The following UNC13C variants were observed in gnomAD, a reference collection of about 807,000 sequenced individuals.
UNC13C encodes protein unc-13 homolog C.
In UNC13C, 174 loss-of-function variants were observed where a neutral mutation model predicts 245.4. The observed-to-expected ratio is 0.71, with a 90% CI of 0.63 to 0.80. The LOEUF is 0.80. UNC13C is among the 30% of genes least tolerant of loss of function. The probability of loss-of-function intolerance (pLI) is 0.00; values close to 1 mark genes in which losing one functional copy is unlikely to be tolerated. For synonymous variants in UNC13C, 992 were observed against 895.1 expected, an observed-to-expected ratio of 1.11 and a Z score of -1.93; for missense variants, 2,829 against 2,602.9, an observed-to-expected ratio of 1.09 and a Z score of -1.89.
intron 24 of UNC13C, among the ~76,000 whole-genome samples, chr15:54,516,966 G>A (rs984899985): frequency 6.6e-6 from 1 of 152,068 alleles, no homozygotes; most frequent in Non-Finnish European, 1.5e-5. Context: ...GTGCAGGCAA[G>A]TATTTGTATT....
chr15:54,329,203 A>T (rs2038376954), intron 14 of UNC13C, among the ~76,000 whole-genome samples: 1 of 151,606 alleles, frequency 6.6e-6, no homozygotes, highest in Middle Eastern at 3.4e-3. Flanking sequence ...ATTTTGATAC[A>T]TGCATACAAT....
intron 4 of UNC13C, among the ~76,000 whole-genome samples, chr15:54,233,363 T>C (rs992312263): frequency 6.6e-6 from 1 of 152,148 alleles, no homozygotes; most frequent in Non-Finnish European, 1.5e-5. Flanking sequence ...TATTTCTTTA[T>C]GATCAAAATT....
chr15:54,313,351 G>A (rs1030590786), intron 13 of UNC13C, among the ~76,000 whole-genome samples: 1 of 151,480 alleles, frequency 6.6e-6, no homozygotes. Flanking sequence ...TTTATATTTG[G>A]GTTCATATTA....
At chr15:54,234,993 T>C in intron 4 of UNC13C, 37 bp from the exon 5 acceptor site, 3 of 1,577,262 alleles carry the variant, frequency 1.9e-6, no homozygotes, top group South Asian at 1.1e-5. Flanking sequence ...GAAGTCATTT[T>C]ACCCATTGCA....
At chr15:54,041,192 T>G (rs963527711) in intron 2 of UNC13C, among the ~76,000 whole-genome samples, 3 of 152,234 alleles carry the variant, frequency 2.0e-5, no homozygotes, top group Non-Finnish European at 2.9e-5. Flanking sequence ...TATAAAACTT[T>G]GTATCCTGCA....
At chr15:54,245,713 G>GA (rs1313862960) in intron 7 of UNC13C, among the ~76,000 whole-genome samples, 2 of 151,994 alleles carry the variant, frequency 1.3e-5, no homozygotes, top group Admixed American at 6.6e-5. Context: ...TTTTTGTCCA[G>GA]AAAAAATAAC....
At chr15:54,184,709 A>G (rs2033915625) in intron 4 of UNC13C, among the ~76,000 whole-genome samples, 1 of 152,122 alleles carries the variant, frequency 6.6e-6, no homozygotes, top group African/African-American at 2.4e-5. Flanking sequence ...GCTATTGTGA[A>G]TAGTGCCGCA....
intron 4 of UNC13C, among the ~76,000 whole-genome samples, chr15:54,197,301 A>T (rs1345540178): frequency 6.6e-6 from 1 of 151,974 alleles, no homozygotes; most frequent in Non-Finnish European, 1.5e-5. Flanking sequence ...ACATGGCAAA[A>T]CCCCATCTCT....
chr15:54,280,362 T>A (rs2036944486), intron 10 of UNC13C, among the ~76,000 whole-genome samples: 1 of 151,852 alleles, frequency 6.6e-6, no homozygotes, highest in South Asian at 2.1e-4. Flanking sequence ...GATCCCATAT[T>A]TGTCACAATT....
upstream of UNC13C, chr15:53,976,938 A>G (rs907193356): frequency 1.3e-5 from 2 of 152,198 alleles, no homozygotes; most frequent in African/African-American, 4.8e-5. Context: ...TCTGTATAAA[A>G]AAGTCAAGTT....
intron 7 of UNC13C, among the ~76,000 whole-genome samples, chr15:54,249,942 T>G (rs1306588086): frequency 6.6e-6 from 1 of 152,152 alleles, no homozygotes; most frequent in African/African-American, 2.4e-5. Context: ...TAATTAGACC[T>G]GTGTGCTGCT....
intron 2 of UNC13C, among the ~76,000 whole-genome samples, chr15:54,075,485 G>GCTTGCAGTGAGCCGA (rs1566993496): frequency 4.0e-5 from 4 of 100,452 alleles, no homozygotes; most frequent in Admixed American, 9.2e-5. Context: ...CAGTGAGCCG[G>GCTTGCAGTGAGCCGA]AGCTTGCAGT....
At chr15:53,849,877 A>G in the UNC13C span, among the ~76,000 whole-genome samples, 1 of 152,202 alleles carries the variant, frequency 6.6e-6, no homozygotes, top group Middle Eastern at 3.2e-3. Flanking sequence ...TGCTACACAT[A>G]CATATGTGAG....
the UNC13C span, among the ~76,000 whole-genome samples, chr15:53,873,907 CCTTCCTTCCTTCCTTT>C: frequency 0.14 from 3,965 of 28,344 alleles, 194 homozygotes; most frequent in East Asian, 0.24. Flanking sequence ...TTCCTTCCTT[CCTTCCTTCCTTCCTTT>C]CTTCCTTCCT....
chr15:53,970,521 T>G, the UNC13C span, among the ~76,000 whole-genome samples: 1 of 152,202 alleles, frequency 6.6e-6, no homozygotes, highest in Non-Finnish European at 1.5e-5. Flanking sequence ...AAATACATCT[T>G]TGAGATCCTA....
At chr15:54,158,086 G>A (rs1244089615) in intron 4 of UNC13C, among the ~76,000 whole-genome samples, 2 of 152,140 alleles carry the variant, frequency 1.3e-5, no homozygotes, top group East Asian at 3.9e-4. Flanking sequence ...TCTCCAGAAC[G>A]ACAAAGAGAC....
intron 16 of UNC13C, among the ~76,000 whole-genome samples, chr15:54,337,751 G>A (rs1178862021): frequency 6.6e-6 from 1 of 151,922 alleles, no homozygotes; most frequent in Non-Finnish European, 1.5e-5. Flanking sequence ...TAGTTGTTTT[G>A]CTAAAATTAG....
At chr15:53,967,075 C>G in the UNC13C span, among the ~76,000 whole-genome samples, 1 of 151,934 alleles carries the variant, frequency 6.6e-6, no homozygotes, top group South Asian at 2.1e-4. Context: ...TCTAGTTTTT[C>G]CAATACGAAT....
intron 10 of UNC13C, among the ~76,000 whole-genome samples, chr15:54,273,261 A>G (rs1298128369): frequency 1.3e-5 from 2 of 152,304 alleles, no homozygotes; most frequent in East Asian, 3.9e-4. Context: ...ATGCTTGTTT[A>G]TTCCTCTCTT....
Sources: gnomAD v4.1 joint callset for allele counts (sites outside exome capture counted in the v4.1 genomes callset) on GRCh38, gnomAD v4.1.1 for gene constraint, MANE v1.5 for transcripts, NCBI Gene and HGNC (gene_info 2026-07-23, HGNC 2026-07-21) for gene names.